LRP1B: variants seen among roughly 807,000 people sequenced by gnomAD.
The protein encoded by LRP1B is LDL receptor related protein 1B, also known as low-density lipoprotein receptor-related protein 1B.
Under a neutral mutation model 556.6 loss-of-function variants are expected in LRP1B, and 217 were observed. The ratio of observed to expected loss-of-function variants is 0.39; its 90% CI spans 0.35 to 0.44. LRP1B has a LOEUF of 0.44. Ranked by LOEUF, LRP1B falls within the 20% of genes least tolerant of loss-of-function variation. The pLI is 1.00. For synonymous variants in LRP1B, 2,047 were observed against 1,865.8 expected (o/e 1.10, Z -2.50); for missense variants, 5,053 against 5,620.8 (o/e 0.90, Z 3.23).
chr2:141,510,063 A>T (rs1160583700), intron 2 of LRP1B, among the ~76,000 whole-genome samples: 1 of 152,122 alleles, frequency 6.6e-6, no homozygotes, highest in Non-Finnish European at 1.5e-5. Flanking sequence ...CAATTCAGAA[A>T]AAAAAGTACT....
intron 41 of LRP1B, among the ~76,000 whole-genome samples, chr2:140,663,771 C>T (rs555646645): frequency 4.6e-5 from 7 of 152,290 alleles, no homozygotes; most frequent in Admixed American, 6.5e-5. Context: ...TTTGAATTTG[C>T]GACTTGGCTA....
At chr2:141,192,256 A>G (rs1681548397) in intron 6 of LRP1B, among the ~76,000 whole-genome samples, 1 of 151,968 alleles carries the variant, frequency 6.6e-6, no homozygotes, top group African/African-American at 2.4e-5. Context: ...AAATTTGACC[A>G]AATTTAATAA....
intron 2 of LRP1B, among the ~76,000 whole-genome samples, chr2:141,596,726 A>C (rs992226543): frequency 1.3e-5 from 2 of 152,084 alleles, no homozygotes; most frequent in Admixed American, 1.3e-4. Flanking sequence ...TGCAAAGCAC[A>C]GAAAATGAAA....
intron 7 of LRP1B, among the ~76,000 whole-genome samples, chr2:141,172,131 T>C (rs1036530772): frequency 6.6e-6 from 1 of 152,120 alleles, no homozygotes; most frequent in African/African-American, 2.4e-5. Flanking sequence ...TATGAGAAGA[T>C]GCTCAATGAA....
chr2:141,355,421 G>A (rs534133645), intron 3 of LRP1B, among the ~76,000 whole-genome samples: 3 of 151,796 alleles, frequency 2.0e-5, no homozygotes, highest in South Asian at 4.2e-4. Context: ...GAACATTTTC[G>A]ACATGCCCCC....
At chr2:141,501,253 T>G (rs1683699057) in intron 2 of LRP1B, among the ~76,000 whole-genome samples, 1 of 152,108 alleles carries the variant, frequency 6.6e-6, no homozygotes, top group African/African-American at 2.4e-5. Context: ...TGAATTATAA[T>G]ACACTAATAA....
intron 86 of LRP1B, among the ~76,000 whole-genome samples, chr2:140,258,442 A>G (rs1257511391): frequency 6.6e-6 from 1 of 152,136 alleles, no homozygotes; most frequent in African/African-American, 2.4e-5. Flanking sequence ...CCCAGTCGCT[A>G]TTACTGTCAC....
At chr2:141,483,582 G>A (rs533999537) in intron 2 of LRP1B, among the ~76,000 whole-genome samples, 1 of 151,580 alleles carries the variant, frequency 6.6e-6, no homozygotes, top group African/African-American at 2.4e-5. Context: ...CCCACCAACA[G>A]TGTAAAAGTG....
chr2:141,092,405 T>C (rs549613877), intron 7 of LRP1B, among the ~76,000 whole-genome samples: 1 of 152,212 alleles, frequency 6.6e-6, no homozygotes, highest in South Asian at 2.1e-4. Context: ...TTTGGACTTA[T>C]TAAGTTTGTT....
intron 2 of LRP1B, among the ~76,000 whole-genome samples, chr2:141,554,544 G>A (rs1193845432): frequency 6.6e-6 from 1 of 151,704 alleles, no homozygotes; most frequent in Non-Finnish European, 1.5e-5. Flanking sequence ...ACTCATATAT[G>A]AAAGGAAAGA....
At chr2:141,362,880 G>A (rs187688294) in intron 3 of LRP1B, among the ~76,000 whole-genome samples, 43 of 151,062 alleles carry the variant, frequency 2.8e-4, no homozygotes, top group Non-Finnish European at 5.2e-4. Flanking sequence ...TAATGGAATA[G>A]TTCATTCATT....
chr2:141,609,861 A>G (rs1688043085), intron 2 of LRP1B, among the ~76,000 whole-genome samples: 1 of 152,216 alleles, frequency 6.6e-6, no homozygotes, highest in African/African-American at 2.4e-5. Flanking sequence ...CTAATGTTAG[A>G]AAGAGTATAT....
chr2:140,511,630 A>G (rs931315759), intron 51 of LRP1B, among the ~76,000 whole-genome samples: 5 of 152,082 alleles, frequency 3.3e-5, no homozygotes, highest in Non-Finnish European at 7.4e-5. Context: ...ATATAAACAT[A>G]CCTGTCCTTG....
chr2:142,076,827 T>C lies in LRP1B; in HGVS notation c.82+53821A>G, dbSNP rs145065690. Among the ~76,000 whole-genome samples, 71 of 152,156 alleles carry C rather than the reference T, an allele frequency of 4.7e-4. No homozygotes were observed. The East Asian group carries it at 0.013, about 29-fold the overall frequency. Reference sequence around the variant, plus strand: ...GCATTTCTAAAGACAAAAATAAAAATTGTCAGACCATGAAATGCAATATTT... The same window carrying C: ...GCATTTCTAAAGACAAAAATAAAAACTGTCAGACCATGAAATGCAATATTT... On this transcript the variant is annotated intron_variant, in intron 1 of 90. Coordinates refer to ENST00000389484, the MANE Select transcript of LRP1B (RefSeq NM_018557.3).
In LRP1B at chr2:140,231,603, T is replaced by C. The variant is rs1202277360; in HGVS notation, c.*1583A>G. ...AAGTTTATGATATGCATAACATTGT[T>C]CAAGCAAAATTGCACTAGTATTACA... On this transcript the variant is annotated 3_prime_UTR_variant, in exon 91 of 91. Transcript: ENST00000389484. 1.3e-5 allele frequency: 2 copies of C among 151,828 alleles called. No individual in the cohort carries two copies. Among genetic ancestry groups the C allele is most frequent in the Non-Finnish European group, 3.0e-5 (2 of 67,594 alleles). The allele number at this position is 151,828 out of a possible 1,614,324, so 9.4% of individuals were successfully genotyped here. A position where few individuals can be genotyped will look rare whatever the true frequency, so the allele number is the denominator to read the frequency against.
intron 35 of LRP1B, among the ~76,000 whole-genome samples, chr2:140,731,872 A>G (rs1390641819): frequency 6.6e-6 from 1 of 151,750 alleles, no homozygotes; most frequent in Non-Finnish European, 1.5e-5. Context: ...GGCTATCATT[A>G]TAGTATCATT....
intron 77 of LRP1B, among the ~76,000 whole-genome samples, chr2:140,339,549 G>A (rs1681265246): frequency 6.6e-6 from 1 of 151,520 alleles, no homozygotes; most frequent in African/African-American, 2.4e-5. Flanking sequence ...TTAAAACAAA[G>A]ATGTAGAACC....
intron 1 of LRP1B, among the ~76,000 whole-genome samples, chr2:141,945,135 T>C (rs1380692198): frequency 6.6e-6 from 1 of 152,210 alleles, no homozygotes; most frequent in Non-Finnish European, 1.5e-5. Context: ...ACAGTTTGTA[T>C]CTTAGCCCCA....
At chr2:140,272,869 G>T (rs1017412863) in intron 85 of LRP1B, among the ~76,000 whole-genome samples, 2 of 151,838 alleles carry the variant, frequency 1.3e-5, no homozygotes, top group South Asian at 2.1e-4. Context: ...GTTAGCAATT[G>T]TTATTTATCC....
Sources: allele counts gnomAD v4.1 joint callset (sites outside exome capture counted in the v4.1 genomes callset), GRCh38; gene constraint gnomAD v4.1.1; transcripts MANE v1.5; gene names NCBI Gene and HGNC (gene_info 2026-07-23, HGNC 2026-07-21).